The following CASZ1 variants were observed in gnomAD, a reference collection of about 807,000 sequenced individuals.
CASZ1 encodes the protein zinc finger protein castor homolog 1.
In CASZ1, 28 loss-of-function variants were observed where a neutral mutation model predicts 135.2. The observed-to-expected ratio is 0.21, with a 90% CI of 0.15 to 0.28. The LOEUF (loss-of-function observed/expected upper bound fraction) is 0.28. Among genes scored for constraint, CASZ1 ranks in the 10% least tolerant of loss-of-function variants. CASZ1 has a pLI of 1.00. For synonymous variants in CASZ1, 1,068 were observed against 1,073.4 expected (o/e 0.99, Z 0.10); for missense variants, 2,161 against 2,453.3 (o/e 0.88, Z 2.52).
Position 10,650,942 on chromosome 1 carries a change from TG to T in CASZ1, c.2814del (p.Ser939AlafsTer20). 1 of 1,604,986 alleles carries T rather than the reference TG, an allele frequency of 6.2e-7. No individual in the cohort carries two copies. Among genetic ancestry groups the T allele is most frequent in the South Asian group, 1.1e-5 (1 of 89,850 alleles). ...DRSLDLTVKEPSNESNGHAVP... is the reference protein window; with the variant it reads ...DRSLDLTVKEXSNESNGHAVP... ...CTCCCATAGGGGGCCTCGCCTCACCTGGGCTCCTTCACAGTCAGGTCTAGAC... is the reference window on the plus strand; with the variant it reads ...CTCCCATAGGGGGCCTCGCCTCACCTGGCTCCTTCACAGTCAGGTCTAGAC... On this transcript the variant is annotated frameshift_variant and splice_region_variant, in exon 12 of 21. Coordinates refer to ENST00000377022, the MANE Select transcript of CASZ1 (RefSeq NM_001079843.3). LOFTEE classifies it high-confidence loss of function.
intron 5 of CASZ1, 40 bp downstream of exon 5, chr1:10,665,043 G>T: frequency 2.0e-6 from 3 of 1,491,994 alleles, no homozygotes; most frequent in East Asian, 2.4e-5. Context: ...TGGCCTCCCT[G>T]TCCTGGCCTT....
chr1:10,641,436 G>A (rs1642198022), intron 20 of CASZ1, among the ~76,000 whole-genome samples: 1 of 152,234 alleles, frequency 6.6e-6, no homozygotes, highest in Non-Finnish European at 1.5e-5. Context: ...CTACGCTCAA[G>A]GGAGGGGGCG....
intron 4 of CASZ1, among the ~76,000 whole-genome samples, chr1:10,667,977 T>TC (rs1008185298): frequency 1.6e-4 from 25 of 151,784 alleles, no homozygotes; most frequent in African/African-American, 5.8e-4. Context: ...TCCTGCCGAC[T>TC]CCCCCGGCAC....
At chr1:10,784,432 C>T (rs962957334) in intron 1 of CASZ1, among the ~76,000 whole-genome samples, 1 of 152,230 alleles carries the variant, frequency 6.6e-6, no homozygotes. Context: ...AAATGTGGCT[C>T]GTTCAAGGAA....
At chr1:10,640,621 C>CT (rs755811536) in intron 20 of CASZ1, among the ~76,000 whole-genome samples, 5 of 152,222 alleles carry the variant, frequency 3.3e-5, no homozygotes, top group Non-Finnish European at 5.9e-5. Flanking sequence ...TAAGGAGCAC[C>CT]TTGTCCTTGG....
At chr1:10,760,928 G>A (rs1198474677) in intron 1 of CASZ1, 71 bp from the exon 2 acceptor site, 2 of 152,248 alleles carry the variant, frequency 1.3e-5, no homozygotes, top group Non-Finnish European at 1.5e-5. Context: ...CCCCACACTG[G>A]AGGACAAGGG....
At chr1:10,792,352 C>T (rs866923298) in intron 1 of CASZ1, among the ~76,000 whole-genome samples, 387 of 36,598 alleles carry the variant, frequency 0.011, 4 homozygotes, top group South Asian at 0.031. Flanking sequence ...GCCCCGCACA[C>T]AAAGTAAATG....
chr1:10,647,731 G>T lies in CASZ1; in HGVS notation c.3497+70C>A. Reference sequence around the variant, plus strand: ...CCGCAGTGAGGAACAGGGCCTCCTAGCGCCCTTGCTAGCACCTACTCCCGA... The same window carrying T: ...CCGCAGTGAGGAACAGGGCCTCCTATCGCCCTTGCTAGCACCTACTCCCGA... On this transcript the variant is annotated intron_variant, in intron 16 of 20. Transcript: ENST00000377022. This position sits in a 1 kb window ranked among gnomAD's most constrained non-coding sequence, Gnocchi z 4.9. The T allele has an allele frequency of 6.2e-7, 1 of 1,600,392 alleles. No individual in the cohort carries two copies. The highest frequency in any genetic ancestry group is 8.5e-7 in the Non-Finnish European group (1 of 1,178,314).
In CASZ1 at chr1:10,639,452, C is replaced by G. The variant is rs1417074848; in HGVS notation, c.4770G>C (p.Ser1590=). 6.3e-7 allele frequency: 1 copy of G among 1,597,798 alleles called. No homozygotes were observed. Among genetic ancestry groups the G allele is most frequent in the South Asian group, 1.1e-5 (1 of 88,750 alleles). Reference sequence around the variant, plus strand: ...CCTGCTTCTCGTGCTTGCGCTTGTGCGAGTCCATCTGCGACATGCCCACCA... The same window carrying G: ...CCTGCTTCTCGTGCTTGCGCTTGTGGGAGTCCATCTGCGACATGCCCACCA... ...HTVVGMSQMD[S]HKRKHEKQER... The change falls in exon 21 of 21, where the codon TCG becomes TCC. Residue 1590 remains serine (S), a synonymous_variant. Transcript: ENST00000377022. This position sits in a 1 kb window ranked among gnomAD's most constrained non-coding sequence, Gnocchi z 4.0.
Position 10,639,527 on chromosome 1 carries a change from C to T in CASZ1, c.4695G>A (p.Lys1565=). The T allele has an allele frequency of 6.2e-7, 1 of 1,611,434 alleles. No homozygotes were observed. The highest frequency in any genetic ancestry group is 8.5e-7 in the Non-Finnish European group (1 of 1,178,970). ...TGCAGTGGAAGTGCGAGCACTTGAG[C>T]TTGTACTTGCAGTCGGGCACGGCGC... ...ADCAVPDCKY[K]LKCSHFHCTF... The change falls in exon 21 of 21, where the codon AAG becomes AAA. Residue 1565 remains lysine, a synonymous_variant. Coordinates refer to ENST00000377022, the MANE Select transcript of CASZ1 (RefSeq NM_001079843.3). This position sits in a 1 kb window ranked among gnomAD's most constrained non-coding sequence, Gnocchi z 4.0.
chr1:10,682,140 TTGTC>T (rs1435181255), intron 4 of CASZ1, among the ~76,000 whole-genome samples: 1 of 152,152 alleles, frequency 6.6e-6, no homozygotes, highest in Non-Finnish European at 1.5e-5. Flanking sequence ...ACTTTCAAGT[TTGTC>T]TGAAAATGTT....
Position 10,646,003 on chromosome 1 carries a change from C to T in CASZ1, c.3696+125G>A, listed in dbSNP as rs1642352857. 2 of 922,958 alleles carry T rather than the reference C, an allele frequency of 2.2e-6. No homozygotes were observed. The highest frequency in any genetic ancestry group is 3.4e-6 in the Non-Finnish European group (2 of 588,316). 57.2% of individuals were successfully genotyped at this position (922,958 alleles called of 1,614,324 possible). On this transcript the variant is annotated intron_variant, in intron 17 of 20. Coordinates refer to ENST00000377022, the MANE Select transcript of CASZ1 (RefSeq NM_001079843.3). The surrounding 1 kb of genome is among the most constrained non-coding windows in gnomAD (Gnocchi z 6.4). The stretch of plus-strand genomic sequence containing the variant: ...GTGCTCTTTCCAGAGTCCGGGAGGC[C>T]CATTTAAATAAGCAAGGTGTGAGAA...
In CASZ1 at chr1:10,725,217, C is replaced by T. The variant is rs912961048; in HGVS notation, c.-76-19673G>A. Among the ~76,000 whole-genome samples, 9 of 152,306 alleles carry T rather than the reference C, an allele frequency of 5.9e-5. No homozygotes were observed. Among genetic ancestry groups the T allele is most frequent in the Admixed American group, 2.6e-4 (4 of 15,310 alleles). ...GACCATGTCACTGCCCAGGGCAGCC[C>T]GGTGACCGTGGACACAGGGCGGCCA... On this transcript the variant is annotated intron_variant, in intron 2 of 20. Coordinates refer to ENST00000377022, the MANE Select transcript of CASZ1 (RefSeq NM_001079843.3). This position sits in a 1 kb window ranked among gnomAD's most constrained non-coding sequence, Gnocchi z 4.4.
In CASZ1 at chr1:10,741,064, C is replaced by G. The variant is rs1460412193; in HGVS notation, c.-77+19637G>C. On this transcript the variant is annotated intron_variant, in intron 2 of 20. Transcript: ENST00000377022. This position sits in a 1 kb window ranked among gnomAD's most constrained non-coding sequence, Gnocchi z 5.0. ...CTGGAGAGCAATGGCACAATCTCAG[C>G]TCATTGCAACCTCCGTTTCCTGGGT... is the stretch of plus-strand genomic sequence containing the variant. 6.6e-6 allele frequency among the ~76,000 whole-genome samples: 1 copy of G among 151,002 alleles called. No individual in the cohort carries two copies. The highest frequency in any genetic ancestry group is 1.5e-5 in the Non-Finnish European group (1 of 67,932).
chr1:10,744,999 G>A (rs139518584), intron 2 of CASZ1, among the ~76,000 whole-genome samples: 9 of 152,250 alleles, frequency 5.9e-5, no homozygotes, highest in Non-Finnish European at 7.4e-5. Context: ...ATGAGCCTAC[G>A]GAATAGGCCA....
At chr1:10,672,435 C>A (rs1025097000) in intron 4 of CASZ1, among the ~76,000 whole-genome samples, 18 of 150,156 alleles carry the variant, frequency 1.2e-4, no homozygotes, top group Admixed American at 6.6e-4. Flanking sequence ...GTCCTTGGGA[C>A]GGACAGTGAT....
At chr1:10,678,904 C>T (rs1638326872) in intron 4 of CASZ1, among the ~76,000 whole-genome samples, 1 of 152,240 alleles carries the variant, frequency 6.6e-6, no homozygotes, top group Admixed American at 6.5e-5. Flanking sequence ...TGGTTGAGCT[C>T]CATTAGCCTA....
At chr1:10,715,862 A>G (rs1351317905) in intron 2 of CASZ1, among the ~76,000 whole-genome samples, 31 of 122,196 alleles carry the variant, frequency 2.5e-4, no homozygotes, top group Non-Finnish European at 4.6e-4. Flanking sequence ...GCAGCACCCA[A>G]TCCTCTCCCG....
intron 1 of CASZ1, among the ~76,000 whole-genome samples, chr1:10,793,926 C>G (rs896913114): frequency 6.6e-6 from 1 of 152,186 alleles, no homozygotes; most frequent in African/African-American, 2.4e-5. Flanking sequence ...GGAGATTGCG[C>G]AGGTCGCGAC....
Sources: gnomAD v4.1 joint callset for allele counts (sites outside exome capture counted in the v4.1 genomes callset) on GRCh38, gnomAD v4.1.1 for gene constraint, Gnocchi (gnomAD v3.1) non-coding constraint, MANE v1.5 for transcripts, NCBI Gene and HGNC (gene_info 2026-07-23, HGNC 2026-07-21) for gene names.